Variants in SLX4IP observed in about 807,000 individuals in gnomAD.
The protein encoded by SLX4IP is protein SLX4IP.
A neutral mutation model predicts 32.9 loss-of-function variants in SLX4IP; 34 were observed. The ratio of observed to expected loss-of-function variants is 1.03; its 90% CI spans 0.79 to 1.38. The LOEUF is 1.38. SLX4IP is among the 40% of genes most tolerant of loss of function. SLX4IP has a pLI of 0.00. For missense variants in SLX4IP, 444 were observed against 479.0 expected (o/e 0.93, Z 0.68); for synonymous variants, 172 against 171.7 (o/e 1.00, Z -0.01).
intron 1 of SLX4IP, among the ~76,000 whole-genome samples, chr20:10,455,196 CTTGGT>C (rs1737820508): frequency 6.6e-6 from 1 of 151,860 alleles, no homozygotes; most frequent in Admixed American, 6.6e-5. Context: ...TTTTTACTTT[CTTGGT>C]TTGAAGTATA....
chr20:10,470,077 C>G (rs1274127236), intron 2 of SLX4IP, among the ~76,000 whole-genome samples: 2 of 152,190 alleles, frequency 1.3e-5, no homozygotes, highest in Admixed American at 6.5e-5. Flanking sequence ...AGTAAGGATC[C>G]TCTTTGTCCT....
At chr20:10,494,264 T>C (rs2065648999) in intron 2 of SLX4IP, among the ~76,000 whole-genome samples, 1 of 151,808 alleles carries the variant, frequency 6.6e-6, no homozygotes, top group Admixed American at 6.6e-5. Flanking sequence ...TTTGAAGACT[T>C]CATAAAACTC....
rs1173817194 is a variant in SLX4IP at position 10,566,963 on chromosome 20, T to A, written c.238+6143T>A. The stretch of plus-strand genomic sequence containing the variant: ...CTCCTCTGTGATGAAAGAGGTCAAA[T>A]GTCATCTACCCACCATCACTGGCCT... On this transcript the variant is annotated intron_variant, in intron 4 of 7. Coordinates refer to ENST00000334534, the MANE Select transcript of SLX4IP (RefSeq NM_001009608.3). 2.0e-5 allele frequency among the ~76,000 whole-genome samples: 3 copies of A among 152,144 alleles called. No homozygotes were observed. In the East Asian group the frequency reaches 5.8e-4, roughly 29 times the overall value.
chr20:10,608,673 CAAAAAAAAAAA>C (rs560866110), intron 6 of SLX4IP, among the ~76,000 whole-genome samples: 2 of 60,454 alleles, frequency 3.3e-5, no homozygotes, highest in South Asian at 5.9e-4. Flanking sequence ...TACTCTGTCT[CAAAAAAAAAAA>C]AAAAAAAAAG....
intron 4 of SLX4IP, among the ~76,000 whole-genome samples, chr20:10,587,951 T>C (rs2066664046): frequency 1.3e-5 from 2 of 152,150 alleles, no homozygotes. Flanking sequence ...TTTTTTTGGA[T>C]GTGACCCCAA....
chr20:10,622,693 A>G lies in SLX4IP; in HGVS notation c.541A>G (p.Ser181Gly). The change falls in exon 8 of 8, where the codon AGC becomes GGC. Residue 181 changes from serine to glycine, a missense_variant. Coordinates refer to ENST00000334534, the MANE Select transcript of SLX4IP (RefSeq NM_001009608.3). ...KRTETKSSVT[S>G]KSQTRRDTVE... Reference sequence around the variant, plus strand: ...AACTGAAACAAAAAGCAGTGTCACGAGCAAATCGCAGACCAGAAGAGACAC... The same window carrying G: ...AACTGAAACAAAAAGCAGTGTCACGGGCAAATCGCAGACCAGAAGAGACAC... 4 of 1,612,524 alleles carry G rather than the reference A, an allele frequency of 2.5e-6. No homozygotes were observed. Among genetic ancestry groups the G allele is most frequent in the Middle Eastern group, 3.3e-4 (2 of 6,054 alleles).
At chr20:10,452,118 G>T (rs6032881) in intron 1 of SLX4IP, among the ~76,000 whole-genome samples, 1 of 151,964 alleles carries the variant, frequency 6.6e-6, no homozygotes, top group African/African-American at 2.4e-5. Flanking sequence ...AAATTTCAAC[G>T]GGCAAATAGT....
intron 2 of SLX4IP, among the ~76,000 whole-genome samples, chr20:10,482,805 G>C (rs1236899159): frequency 7.9e-5 from 12 of 152,190 alleles, no homozygotes; most frequent in Admixed American, 7.9e-4. Flanking sequence ...TTGCACAACT[G>C]TATAAATTTA....
At chr20:10,554,007 G>T (rs1260120802) in intron 2 of SLX4IP, among the ~76,000 whole-genome samples, 1 of 152,156 alleles carries the variant, frequency 6.6e-6, no homozygotes, top group Non-Finnish European at 1.5e-5. Flanking sequence ...TATTATTGAT[G>T]TATAATTTAA....
chr20:10,448,469 C>T lies in SLX4IP; in HGVS notation c.-29-9707C>T, dbSNP rs2065218652. 2.0e-5 allele frequency among the ~76,000 whole-genome samples: 3 copies of T among 152,148 alleles called. No individual in the cohort carries two copies. The South Asian group carries it at 6.2e-4, about 32-fold the overall frequency. Reference sequence around the variant, plus strand: ...ATTTCATCATTATAGAAACCCTAATCCTGAAGTAGAGGTAATAGTCATTTT... The same window carrying T: ...ATTTCATCATTATAGAAACCCTAATTCTGAAGTAGAGGTAATAGTCATTTT... On this transcript the variant is annotated intron_variant, in intron 1 of 7. Coordinates refer to ENST00000334534, the MANE Select transcript of SLX4IP (RefSeq NM_001009608.3).
chr20:10,558,281 A>G (rs2066289429), intron 3 of SLX4IP, among the ~76,000 whole-genome samples: 1 of 148,184 alleles, frequency 6.7e-6, no homozygotes, highest in Non-Finnish European at 1.5e-5. Context: ...TTAAGGCTGC[A>G]GTGAGAGTTG....
intron 6 of SLX4IP, among the ~76,000 whole-genome samples, chr20:10,603,550 C>T (rs1207352322): frequency 6.6e-6 from 1 of 152,206 alleles, no homozygotes; most frequent in East Asian, 1.9e-4. Context: ...AATGCCATTT[C>T]CATCATGAGG....
At chr20:10,522,824 C>T (rs141478514) in intron 2 of SLX4IP, among the ~76,000 whole-genome samples, 2 of 152,330 alleles carry the variant, frequency 1.3e-5, no homozygotes, top group East Asian at 3.9e-4. Flanking sequence ...CTCTCCTACC[C>T]CATGGCACAG....
intron 6 of SLX4IP, among the ~76,000 whole-genome samples, chr20:10,617,399 G>A (rs768749160): frequency 1.8e-4 from 27 of 152,082 alleles, no homozygotes; most frequent in Non-Finnish European, 3.1e-4. Flanking sequence ...ACTGGCCTGC[G>A]GGAGCCCCTC....
intron 2 of SLX4IP, among the ~76,000 whole-genome samples, chr20:10,485,886 G>A (rs572581799): frequency 1.4e-4 from 22 of 152,180 alleles, no homozygotes; most frequent in African/African-American, 5.3e-4. Context: ...GAAGTAGATC[G>A]TCATAAAGAT....
In SLX4IP at chr20:10,623,015, G is replaced by C; in HGVS notation, c.863G>C (p.Arg288Pro). The C allele has an allele frequency of 6.2e-7, 1 of 1,614,160 alleles. No homozygotes were observed. The highest frequency in any genetic ancestry group is 8.5e-7 in the Non-Finnish European group (1 of 1,180,030). ...TCACCATGTCCAAAACAAAGTCCAC[G>C]AGTGGCCAAAACCCAACAGAAACGC... ...SASPCPKQSP[R>P]VAKTQQKRRN... Residue 288 changes from arginine (R) to proline (P), a missense_variant, in exon 8 of 8, where the codon CGA becomes CCA. Transcript: ENST00000334534.
At chr20:10,596,993 T>C (rs1483506379) in intron 4 of SLX4IP, among the ~76,000 whole-genome samples, 2 of 152,264 alleles carry the variant, frequency 1.3e-5, no homozygotes, top group African/African-American at 4.8e-5. Context: ...TATCCTTTCA[T>C]AGATGTCACT....
chr20:10,570,091 G>T (rs2066444629), intron 4 of SLX4IP, among the ~76,000 whole-genome samples: 1 of 152,186 alleles, frequency 6.6e-6, no homozygotes, highest in South Asian at 2.1e-4. Flanking sequence ...GCTCTGGGGT[G>T]CACCACTCTG....
rs996884807 is a variant in SLX4IP at position 10,479,796 on chromosome 20, G to A, written c.27+21565G>A. Among the ~76,000 whole-genome samples the A allele has an allele frequency of 2.6e-5, 4 of 151,578 alleles. No individual in the cohort carries two copies. In the East Asian group the frequency reaches 8.0e-4, roughly 30 times the overall value. ...TGAGGCAGGTGGATTACAAGGTCAGGAGATTGAGACCATCCTGGCCAATGT... is the reference window on the plus strand; with the variant it reads ...TGAGGCAGGTGGATTACAAGGTCAGAAGATTGAGACCATCCTGGCCAATGT... On this transcript the variant is annotated intron_variant, in intron 2 of 7. Coordinates refer to ENST00000334534, the MANE Select transcript of SLX4IP (RefSeq NM_001009608.3).
Sources: allele counts gnomAD v4.1 joint callset (sites outside exome capture counted in the v4.1 genomes callset), GRCh38; gene constraint gnomAD v4.1.1; transcripts MANE v1.5; gene names NCBI Gene and HGNC (gene_info 2026-07-23, HGNC 2026-07-21).